PPIL1: variants seen among roughly 807,000 people sequenced by gnomAD.
PPIL1 encodes the protein peptidyl-prolyl cis-trans isomerase-like 1.
In PPIL1, 14 loss-of-function variants were observed where a neutral mutation model predicts 19.4. The observed-to-expected ratio is 0.72, with a 90% CI of 0.48 to 1.13. The LOEUF (loss-of-function observed/expected upper bound fraction) is 1.13. Among genes scored for constraint, PPIL1 ranks in the 50% most tolerant of loss-of-function variants. The pLI, the probability that PPIL1 is intolerant of heterozygous loss-of-function variation, is 0.00. For synonymous variants in PPIL1, 72 were observed against 73.6 expected (o/e 0.98, Z 0.11); for missense variants, 192 against 218.0 (o/e 0.88, Z 0.75).
chr6:36,856,978 T>C (rs941594350), intron 2 of PPIL1, among the ~76,000 whole-genome samples: 1 of 152,350 alleles, frequency 6.6e-6, no homozygotes, highest in Admixed American at 6.5e-5. Context: ...CCTGACCATC[T>C]AGAGATAACC....
At chr6:36,857,504 T>C (rs1311833227) in intron 2 of PPIL1, among the ~76,000 whole-genome samples, 1 of 151,480 alleles carries the variant, frequency 6.6e-6, no homozygotes, top group Non-Finnish European at 1.5e-5. Context: ...TTTTTAGAGA[T>C]GGGGTCTTGC....
rs374029091 is a variant in PPIL1 at position 36,855,779 on chromosome 6, C to T, written c.*34G>A. On this transcript the variant is annotated 3_prime_UTR_variant, in exon 4 of 4. Coordinates refer to ENST00000373699, the MANE Select transcript of PPIL1 (RefSeq NM_016059.5). ...CATCTAGAAGCTGGTTCACTGGGGC[C>T]ATCTCAGAAGAGCTGCTCAAGAGGG... 6.9e-6 allele frequency: 11 copies of T among 1,598,246 alleles called. No individual in the cohort carries two copies. The African/African-American group carries it at 1.5e-4, about 21-fold the overall frequency.
At position 36,859,811 on chromosome 6, in the gene PPIL1, TTGTG is replaced by T. The variant is rs71880744; in HGVS notation, c.212-3161_212-3158del. On this transcript the variant is annotated intron_variant, in intron 2 of 3. Transcript: ENST00000373699. ...TGAAGATAGGCAGACCTGTTTTCTA[TTGTG>T]TGTGTGTGTGTGTGTGTGTGTGTGT... Among the ~76,000 whole-genome samples, 144 of 144,904 alleles carry T rather than the reference TTGTG, an allele frequency of 9.9e-4. 1 individual carries two copies. Among genetic ancestry groups the T allele is most frequent in the Middle Eastern group, 3.5e-3 (1 of 286 alleles).
chr6:36,856,439 T>C (rs1277814742), intron 3 of PPIL1, 147 bp downstream of exon 3: 2 of 713,688 alleles, frequency 2.8e-6, no homozygotes, highest in African/African-American at 1.8e-5. Flanking sequence ...CTGCTTTCTC[T>C]AATCCACCAG....
intron 2 of PPIL1, among the ~76,000 whole-genome samples, chr6:36,870,755 C>T (rs1774492454): frequency 6.6e-6 from 1 of 152,060 alleles, no homozygotes; most frequent in Non-Finnish European, 1.5e-5. Context: ...CGACTAAGAA[C>T]CTGAGATTAC....
At chr6:36,871,387 C>G (rs762046271) in intron 2 of PPIL1, among the ~76,000 whole-genome samples, 1 of 152,176 alleles carries the variant, frequency 6.6e-6, no homozygotes, top group Non-Finnish European at 1.5e-5. Flanking sequence ...ATTATAAAGT[C>G]TTTCCTTCTT....
chr6:36,859,307 C>A (rs927119930), intron 2 of PPIL1, among the ~76,000 whole-genome samples: 5 of 151,796 alleles, frequency 3.3e-5, no homozygotes, highest in African/African-American at 1.2e-4. Flanking sequence ...TGCCTGTAAT[C>A]CCAGCTACTT....
In PPIL1 at chr6:36,874,437, C is replaced by T. The variant is rs6932166; in HGVS notation, c.56+280G>A. Among the ~76,000 whole-genome samples, 1,132 of 152,332 alleles carry T rather than the reference C, an allele frequency of 7.4e-3. 12 individuals are homozygous for T. Among genetic ancestry groups the T allele is most frequent in the African/African-American group, 0.024 (977 of 41,564 alleles). ...ATTCCATATGCCTGGCTTGCGGACT[C>T]ATTACACGTTTGTTGAATGAATGAA... is the stretch of plus-strand genomic sequence containing the variant. On this transcript the variant is annotated intron_variant, in intron 1 of 3. Coordinates refer to ENST00000373699, the MANE Select transcript of PPIL1 (RefSeq NM_016059.5).
intron 2 of PPIL1, among the ~76,000 whole-genome samples, chr6:36,866,508 G>C (rs1376388519): frequency 6.6e-6 from 1 of 152,058 alleles, no homozygotes; most frequent in African/African-American, 2.4e-5. Context: ...GGGCTGCTCA[G>C]TCATTCATTA....
At chr6:36,863,506 C>T (rs1051166374) in intron 2 of PPIL1, among the ~76,000 whole-genome samples, 1 of 152,148 alleles carries the variant, frequency 6.6e-6, no homozygotes, top group African/African-American at 2.4e-5. Flanking sequence ...TCTAGTAGAC[C>T]AATTTTTCTC....
At chr6:36,872,277 T>C (rs963345647) in intron 1 of PPIL1, among the ~76,000 whole-genome samples, 2 of 152,296 alleles carry the variant, frequency 1.3e-5, no homozygotes, top group East Asian at 1.9e-4. Flanking sequence ...CAGGAGTTCA[T>C]ATTTATTTAG....
intron 1 of PPIL1, 96 bp from the exon 2 acceptor site, chr6:36,871,968 G>A: frequency 2.6e-6 from 3 of 1,168,152 alleles, no homozygotes; most frequent in Non-Finnish European, 3.4e-6. Flanking sequence ...TTTCAAGCTT[G>A]TAAGTCATGA....
At position 36,871,830 on chromosome 6, in the gene PPIL1, T is replaced by C. The variant is rs751320940; in HGVS notation, c.99A>G (p.Pro33=). 1.2e-6 allele frequency: 2 copies of C among 1,611,258 alleles called. No homozygotes were observed. Reference sequence around the variant, plus strand: ...ACTCAGCAAAGTTCTTACAGGTCTTTGGAGCATGCTTCCAGTACAGCTCCA... The same window carrying C: ...ACTCAGCAAAGTTCTTACAGGTCTTCGGAGCATGCTTCCAGTACAGCTCCA... ...IVLELYWKHA[P]KTCKNFAELA... Residue 33 remains proline (P), a synonymous_variant, in exon 2 of 4, where the codon CCA becomes CCG. Transcript: ENST00000373699.
intron 2 of PPIL1, among the ~76,000 whole-genome samples, chr6:36,863,159 C>T (rs1403818420): frequency 1.3e-5 from 2 of 152,170 alleles, no homozygotes; most frequent in South Asian, 2.1e-4. Context: ...TGAGGTAACC[C>T]GAGCATTTTC....
intron 2 of PPIL1, among the ~76,000 whole-genome samples, chr6:36,860,978 T>C (rs1774276786): frequency 6.6e-6 from 1 of 152,168 alleles, no homozygotes; most frequent in Non-Finnish European, 1.5e-5. Context: ...TGTATGACCA[T>C]AATGCTCTGT....
chr6:36,864,518 A>G (rs190447590), intron 2 of PPIL1, among the ~76,000 whole-genome samples: 1 of 152,238 alleles, frequency 6.6e-6, no homozygotes, highest in African/African-American at 2.4e-5. Flanking sequence ...ATGCTCTCAG[A>G]GAGGTTTCCC....
chr6:36,873,458 G>C (rs1774562170), intron 1 of PPIL1, among the ~76,000 whole-genome samples: 1 of 151,884 alleles, frequency 6.6e-6, no homozygotes, highest in Non-Finnish European at 1.5e-5. Flanking sequence ...CCATTTTTTT[G>C]TTAAAAAAAC....
Position 36,856,041 on chromosome 6 carries a change from G to A in PPIL1, c.281-8C>T. ...TTGCGAGAATTCCAGCCCCTGGTGG[G>A]AAAAAGGAAGAAAGGAAAGAGTATA... On this transcript the variant is annotated splice_region_variant and splice_polypyrimidine_tract_variant and intron_variant, in intron 3 of 3. Transcript: ENST00000373699. 3 of 1,612,012 alleles carry A rather than the reference G, an allele frequency of 1.9e-6. No individual in the cohort carries two copies. Among genetic ancestry groups the A allele is most frequent in the Non-Finnish European group, 1.7e-6 (2 of 1,178,726 alleles).
At chr6:36,857,012 A>G (rs933738093) in intron 2 of PPIL1, among the ~76,000 whole-genome samples, 5 of 152,188 alleles carry the variant, frequency 3.3e-5, no homozygotes, top group African/African-American at 1.2e-4. Flanking sequence ...TGATGTGTTA[A>G]GAGGTTTCTT....
Sources: gnomAD v4.1 joint callset for allele counts (sites outside exome capture counted in the v4.1 genomes callset) on GRCh38, gnomAD v4.1.1 for gene constraint, MANE v1.5 for transcripts, NCBI Gene and HGNC (gene_info 2026-07-23, HGNC 2026-07-21) for gene names.